DNM2: variants seen among roughly 807,000 people sequenced by gnomAD.
The protein encoded by DNM2 is dynamin-2.
In DNM2, 15 loss-of-function variants were observed where a neutral mutation model predicts 99.0. The ratio of observed to expected loss-of-function variants is 0.15; its 90% CI spans 0.10 to 0.23. The LOEUF (loss-of-function observed/expected upper bound fraction) is 0.23. Ranked by LOEUF, DNM2 falls within the 10% of genes least tolerant of loss-of-function variation. DNM2 has a pLI of 1.00. For synonymous variants in DNM2, 525 were observed against 481.2 expected (o/e 1.09, Z -1.19); for missense variants, 742 against 1,189.4 (o/e 0.62, Z 5.53).
rs780738840 is a variant in DNM2, at chr19:10,830,207, C to G, written c.2372C>G (p.Pro791Arg). The G allele has an allele frequency of 2.5e-6, 4 of 1,613,860 alleles. No homozygotes were observed. The South Asian group carries it at 4.4e-5, about 18-fold the overall frequency. ...GCAGTGAGGGGCCCCACTCCAGGGC[C>G]CCCCCTGATTCCTGTTCCCGTGGGG... ...PPAVRGPTPG[P>R]PLIPVPVGAA... The change falls in exon 20 of 21, where the codon CCC (proline) becomes CGC (arginine). Residue 791 changes from proline (P) to arginine (R), a missense_variant. Physicochemically the swap from Pro to Arg is moderately radical, Grantham distance 103. This residue lies in a region of DNM2 where 187 missense variants were observed against 218.8 expected (regional missense o/e 0.85). Coordinates refer to ENST00000389253, the MANE Select transcript of DNM2 (RefSeq NM_001005361.3). The surrounding 1 kb of genome is among the most constrained non-coding windows in gnomAD (Gnocchi z 4.8).
In DNM2 at chr19:10,775,372, G is replaced by A. The variant is rs576601181; in HGVS notation, c.386-331G>A. ...GCTGGGATTGCAGATGTGAGCCACC[G>A]CACCCAGCCTCATCTGTTTGTCTGT... On this transcript the variant is annotated intron_variant, in intron 3 of 20. Transcript: ENST00000389253. The surrounding 1 kb of genome is among the most constrained non-coding windows in gnomAD (Gnocchi z 4.3). Among the ~76,000 whole-genome samples the A allele has an allele frequency of 3.9e-5, 6 of 152,172 alleles. No individual in the cohort carries two copies. The highest frequency in any genetic ancestry group is 1.9e-4 in the East Asian group (1 of 5,200).
At chr19:10,797,879 T>C (rs551943395) in intron 10 of DNM2, among the ~76,000 whole-genome samples, 1 of 152,278 alleles carries the variant, frequency 6.6e-6, no homozygotes, top group East Asian at 1.9e-4. Flanking sequence ...CTAGGCCACC[T>C]GAGAGTAACC....
rs2145960645 is a variant in DNM2 at position 10,783,108 on chromosome 19, G to A, written c.837G>A (p.Lys279=). 1 of 1,612,052 alleles carries A rather than the reference G, an allele frequency of 6.2e-7. No homozygotes were observed. Among genetic ancestry groups the A allele is most frequent in the Non-Finnish European group, 8.5e-7 (1 of 1,180,032 alleles). ...GCATGGGCACGCCACATCTGCAGAA[G>A]ACGCTGAATCAGGTACTGCAAGGGT... ...ADRMGTPHLQ[K]TLNQQLTNHI... Residue 279 remains lysine, a synonymous_variant, in exon 6 of 21, where the codon AAG becomes AAA. Coordinates refer to ENST00000389253, the MANE Select transcript of DNM2 (RefSeq NM_001005361.3).
chr19:10,741,551 C>CTTT (rs561257287), intron 1 of DNM2, among the ~76,000 whole-genome samples: 1 of 135,080 alleles, frequency 7.4e-6, no homozygotes, highest in Non-Finnish European at 1.6e-5. Context: ...ATATTTCTTT[C>CTTT]TTTTTTTTTT....
chr19:10,761,615 T>C (rs2070635862), intron 2 of DNM2, among the ~76,000 whole-genome samples: 1 of 152,096 alleles, frequency 6.6e-6, no homozygotes, highest in Non-Finnish European at 1.5e-5. Context: ...ACTCTCACAC[T>C]GGGAAGGCAG....
At chr19:10,813,001 G>A (rs1394374447) in intron 15 of DNM2, among the ~76,000 whole-genome samples, 1 of 152,246 alleles carries the variant, frequency 6.6e-6, no homozygotes, top group Non-Finnish European at 1.5e-5. Flanking sequence ...AAGGGGCCAT[G>A]CCCAAGGGTC....
At chr19:10,739,846 A>ACTCT (rs150921030) in intron 1 of DNM2, among the ~76,000 whole-genome samples, 1 of 120,374 alleles carries the variant, frequency 8.3e-6, no homozygotes, top group African/African-American at 3.4e-5. Flanking sequence ...ACAGAGCAAG[A>ACTCT]CTCTCTCTCT....
chr19:10,730,329 T>C (rs1214098250), intron 1 of DNM2, among the ~76,000 whole-genome samples: 1 of 152,068 alleles, frequency 6.6e-6, no homozygotes, highest in African/African-American at 2.4e-5. Context: ...ATACAAAAAT[T>C]AGCAGGCGTG....
chr19:10,773,226 C>T (rs926120369), intron 3 of DNM2, among the ~76,000 whole-genome samples: 2 of 149,818 alleles, frequency 1.3e-5, no homozygotes, highest in African/African-American at 2.5e-5. Context: ...CAGCTCACTG[C>T]AGTCTCCGCC....
At chr19:10,766,080 G>A (rs1191949751) in intron 2 of DNM2, among the ~76,000 whole-genome samples, 3 of 152,288 alleles carry the variant, frequency 2.0e-5, no homozygotes, top group South Asian at 2.1e-4. Flanking sequence ...GTAGGAACCC[G>A]GAGCTGGGTG....
Position 10,823,782 on chromosome 19 carries a change from C to G in DNM2, c.1782-6C>G. On this transcript the variant is annotated splice_polypyrimidine_tract_variant and splice_region_variant and intron_variant, in intron 16 of 20. Coordinates refer to ENST00000389253, the MANE Select transcript of DNM2 (RefSeq NM_001005361.3). ...CTTGTGCCCCTCCTTCCCCACCCCC[C>G]CGCAGAAACGTCTACAAGGACCTGC... 3 of 1,613,718 alleles carry G rather than the reference C, an allele frequency of 1.9e-6. No homozygotes were observed. Among genetic ancestry groups the G allele is most frequent in the Non-Finnish European group, 2.5e-6 (3 of 1,179,890 alleles).
rs2070554131 is a variant in DNM2, at chr19:10,759,734, A to T, written c.162-4A>T. On this transcript the variant is annotated splice_polypyrimidine_tract_variant and splice_region_variant and intron_variant, in intron 1 of 20. Coordinates refer to ENST00000389253, the MANE Select transcript of DNM2 (RefSeq NM_001005361.3). ...TAATTTCTGTCCCTCTCCCCCCCTCACAGGGACTTCCTTCCCCGCGGTTCA... is the reference window on the plus strand; with the variant it reads ...TAATTTCTGTCCCTCTCCCCCCCTCTCAGGGACTTCCTTCCCCGCGGTTCA... The T allele has an allele frequency of 6.2e-7, 1 of 1,613,818 alleles. No homozygotes were observed. The highest frequency in any genetic ancestry group is 1.3e-5 in the African/African-American group (1 of 74,832).
chr19:10,723,047 A>G (rs920832336), intron 1 of DNM2, among the ~76,000 whole-genome samples: 14 of 149,832 alleles, frequency 9.3e-5, no homozygotes, highest in East Asian at 4.0e-4. Flanking sequence ...GCTCACTGCA[A>G]TCTCGCCTCC....
chr19:10,823,372 T>A (rs1275979246), intron 16 of DNM2: 1 of 150,646 alleles, frequency 6.6e-6, no homozygotes. Flanking sequence ...GCCATTGCAC[T>A]CCAGCCTGGA....
chr19:10,806,003 G>A, intron 13 of DNM2, 36 bp downstream of exon 13: 1 of 1,613,358 alleles, frequency 6.2e-7, no homozygotes, highest in Non-Finnish European at 8.5e-7. Context: ...GCTCTACCCT[G>A]GGGGCGGGAG....
At position 10,831,090 on chromosome 19, in the gene DNM2, C is replaced by A. The variant is rs769002287; in HGVS notation, c.*43C>A. On this transcript the variant is annotated 3_prime_UTR_variant, in exon 21 of 21. Transcript: ENST00000389253. This position sits in a 1 kb window ranked among gnomAD's most constrained non-coding sequence, Gnocchi z 4.3. The stretch of plus-strand genomic sequence containing the variant: ...CTCTCGGGGGGGCCTCACGCACCCG[C>A]GGCGCAGGAGCTTCAGTGGTCTGGG... The A allele has an allele frequency of 3.2e-6, 5 of 1,559,464 alleles. No homozygotes were observed. Among genetic ancestry groups the A allele is most frequent in the South Asian group, 1.2e-5 (1 of 85,368 alleles).
At chr19:10,749,271 G>A (rs1217666221) in intron 1 of DNM2, among the ~76,000 whole-genome samples, 3 of 152,232 alleles carry the variant, frequency 2.0e-5, no homozygotes, top group Non-Finnish European at 2.9e-5. Flanking sequence ...AAGTCAAAAG[G>A]CGCCTGGTGG....
chr19:10,823,668 C>A, intron 16 of DNM2, 120 bp from the exon 17 acceptor site: 1 of 925,602 alleles, frequency 1.1e-6, no homozygotes. Flanking sequence ...CCAGGTGAAG[C>A]CTGGGTTGGG....
intron 7 of DNM2, among the ~76,000 whole-genome samples, chr19:10,791,100 C>A (rs955875062): frequency 4.6e-5 from 7 of 151,122 alleles, no homozygotes; most frequent in East Asian, 3.9e-4. Context: ...TTATTTTATT[C>A]TTTTGAGACA....
Sources: gnomAD v4.1 joint callset for allele counts (sites outside exome capture counted in the v4.1 genomes callset) on GRCh38, gnomAD v4.1.1 for gene constraint, gnomAD v4.1.1 regional missense constraint, Gnocchi (gnomAD v3.1) non-coding constraint, MANE v1.5 for transcripts, NCBI Gene and HGNC (gene_info 2026-07-23, HGNC 2026-07-21) for gene names.